The following GALNT13 variants were observed in gnomAD, a reference collection of about 807,000 sequenced individuals.
GALNT13 encodes UDP-GalNAc:polypeptide N-acetylgalactosaminyltransferase 13.
In GALNT13, 28 loss-of-function variants were observed where a neutral mutation model predicts 64.2. The ratio of observed to expected loss-of-function variants is 0.44; its 90% CI spans 0.32 to 0.60. GALNT13 has a LOEUF of 0.60. GALNT13 is among the 20% of genes least tolerant of loss of function. The pLI is 0.05. For missense variants in GALNT13, 577 were observed against 669.8 expected (o/e 0.86, Z 1.53); for synonymous variants, 214 against 224.6 (o/e 0.95, Z 0.42).
intron 3 of GALNT13, among the ~76,000 whole-genome samples, chr2:153,988,322 C>T (rs1294047485): frequency 6.6e-6 from 1 of 151,890 alleles, no homozygotes; most frequent in Admixed American, 6.6e-5. Flanking sequence ...CATTCCCTCT[C>T]ACCTGCTGCC....
the GALNT13 span, among the ~76,000 whole-genome samples, chr2:153,196,764 G>A: frequency 6.6e-6 from 1 of 152,020 alleles, no homozygotes. Flanking sequence ...GCAGCCCCCA[G>A]GGTGGTGGGC....
chr2:153,685,412 A>G, the GALNT13 span, among the ~76,000 whole-genome samples: 9 of 152,004 alleles, frequency 5.9e-5, no homozygotes, highest in African/African-American at 1.9e-4. Flanking sequence ...TTCTCTAATG[A>G]TCAGTGAAGT....
At chr2:153,128,117 C>G in the GALNT13 span, among the ~76,000 whole-genome samples, 1 of 152,200 alleles carries the variant, frequency 6.6e-6, no homozygotes, top group African/African-American at 2.4e-5. Flanking sequence ...TCTACTGCTG[C>G]ATTTCAGCAC....
chr2:153,237,425 T>C, the GALNT13 span, among the ~76,000 whole-genome samples: 1 of 152,048 alleles, frequency 6.6e-6, no homozygotes, highest in African/African-American at 2.4e-5. Flanking sequence ...TATCAAATAC[T>C]AGATCTTATT....
chr2:153,357,481 A>G, the GALNT13 span: 3 of 152,246 alleles, frequency 2.0e-5, no homozygotes, highest in African/African-American at 4.8e-5. Context: ...AATATTTACA[A>G]GAAGTTCTAC....
intron 9 of GALNT13, among the ~76,000 whole-genome samples, chr2:154,325,027 TCTG>T (rs1694808859): frequency 6.6e-6 from 1 of 152,086 alleles, no homozygotes; most frequent in African/African-American, 2.4e-5. Context: ...TTCCCTGAGC[TCTG>T]CATGCAGTGG....
the GALNT13 span, among the ~76,000 whole-genome samples, chr2:153,554,654 A>ATGTGTGTGTG: frequency 1.5e-5 from 2 of 131,768 alleles, no homozygotes; most frequent in Admixed American, 7.5e-5. Context: ...GGGATGCTGT[A>ATGTGTGTGTG]TATGTGTGTG....
At chr2:154,135,774 G>T (rs1034049872) in intron 3 of GALNT13, among the ~76,000 whole-genome samples, 8 of 152,120 alleles carry the variant, frequency 5.3e-5, no homozygotes, top group African/African-American at 1.7e-4. Context: ...GTTGTAGTGA[G>T]CTGTGACCGT....
the GALNT13 span, among the ~76,000 whole-genome samples, chr2:153,137,188 C>T: frequency 1.3e-5 from 2 of 152,122 alleles, no homozygotes; most frequent in East Asian, 1.9e-4. Context: ...AATTGGGCCA[C>T]GTTTTTGAAA....
At chr2:153,792,793 A>T in the GALNT13 span, among the ~76,000 whole-genome samples, 72 of 152,224 alleles carry the variant, frequency 4.7e-4, no homozygotes, top group African/African-American at 1.6e-3. Flanking sequence ...GAGAATAGGA[A>T]TATTCTTAAG....
chr2:153,765,585 G>A, the GALNT13 span, among the ~76,000 whole-genome samples: 1 of 152,170 alleles, frequency 6.6e-6, no homozygotes, highest in African/African-American at 2.4e-5. Flanking sequence ...TGAGACTTTG[G>A]ACTGTGGACT....
At chr2:153,505,078 G>T in the GALNT13 span, among the ~76,000 whole-genome samples, 1 of 152,100 alleles carries the variant, frequency 6.6e-6, no homozygotes, top group Non-Finnish European at 1.5e-5. Flanking sequence ...GGCCTGTTCA[G>T]AGTTCTATAT....
In GALNT13 at chr2:154,319,120, G is replaced by A. The variant is rs561127491; in HGVS notation, c.1156+17531G>A. On this transcript the variant is annotated intron_variant, in intron 9 of 12. Transcript: ENST00000392825. Reference sequence around the variant, plus strand: ...TCAACGGAAACCACACATAACCCACGTTAATTGTTTATATTTAAACTTATC... The same window carrying A: ...TCAACGGAAACCACACATAACCCACATTAATTGTTTATATTTAAACTTATC... 2.1e-3 allele frequency among the ~76,000 whole-genome samples: 327 copies of A among 152,152 alleles called. 1 individual carries two copies. Among genetic ancestry groups the A allele is most frequent in the African/African-American group, 6.9e-3 (287 of 41,518 alleles).
chr2:154,416,704 GA>G (rs1700023823), intron 11 of GALNT13, among the ~76,000 whole-genome samples: 1 of 152,114 alleles, frequency 6.6e-6, no homozygotes, highest in African/African-American at 2.4e-5. Context: ...AATGAAGTTT[GA>G]AGTTTTCTTT....
At chr2:154,133,580 A>C (rs1187063293) in intron 3 of GALNT13, among the ~76,000 whole-genome samples, 2 of 123,574 alleles carry the variant, frequency 1.6e-5, no homozygotes, top group African/African-American at 6.9e-5. Flanking sequence ...ATATATATAT[A>C]TATATCTGAG....
intron 3 of GALNT13, among the ~76,000 whole-genome samples, chr2:153,997,462 C>CTTTTTTTT (rs1558897621): frequency 2.6e-5 from 4 of 151,742 alleles, no homozygotes; most frequent in African/African-American, 7.3e-5. Context: ...TTCTTGATTT[C>CTTTTTTTT]TTTTTTACAT....
At chr2:153,225,332 A>G in the GALNT13 span, among the ~76,000 whole-genome samples, 20,150 of 152,224 alleles carry the variant, frequency 0.13, 1,535 homozygotes, top group Middle Eastern at 0.19. Flanking sequence ...GGAATAAAGC[A>G]GATAAAGGAC....
intron 3 of GALNT13, among the ~76,000 whole-genome samples, chr2:153,950,928 TAAGA>T (rs1044644895): frequency 6.6e-6 from 1 of 151,936 alleles, no homozygotes; most frequent in African/African-American, 2.4e-5. Context: ...AATAAAATTA[TAAGA>T]AAGAAAAAAG....
chr2:154,377,123 A>G (rs984475985), intron 9 of GALNT13, among the ~76,000 whole-genome samples: 5 of 152,208 alleles, frequency 3.3e-5, no homozygotes, highest in African/African-American at 1.2e-4. Flanking sequence ...TGTGCTGAGA[A>G]TAATAGGCAA....
Sources: gnomAD v4.1 joint callset for allele counts (sites outside exome capture counted in the v4.1 genomes callset) on GRCh38, gnomAD v4.1.1 for gene constraint, MANE v1.5 for transcripts, NCBI Gene and HGNC (gene_info 2026-07-23, HGNC 2026-07-21) for gene names.